Variants in DNAH1 observed in about 807,000 individuals in gnomAD.
DNAH1 encodes the protein axonemal beta dynein heavy chain 1.
DNAH1 carries 327 observed loss-of-function variants against 484.3 expected under a neutral mutation model. The observed-to-expected ratio is 0.68, with a 90% CI of 0.62 to 0.74. The LOEUF (loss-of-function observed/expected upper bound fraction) is 0.74. Ranked by LOEUF, DNAH1 falls within the 30% of genes least tolerant of loss-of-function variation. DNAH1 has a pLI of 0.00. For missense variants in DNAH1, 5,052 were observed against 5,546.8 expected (o/e 0.91, Z 2.83); for synonymous variants, 2,192 against 2,191.9 (o/e 1.00, Z 0.00).
chr3:52,396,083 G>A (rs1419537625), intron 70 of DNAH1, among the ~76,000 whole-genome samples: 3 of 151,828 alleles, frequency 2.0e-5, no homozygotes, highest in African/African-American at 2.4e-5. Flanking sequence ...GTAGTAACCC[G>A]CCACTATGCC....
Position 52,378,603 on chromosome 3 carries a change from TG to T in DNAH1, c.7204del (p.Ala2402ProfsTer39). The T allele has an allele frequency of 6.2e-7, 1 of 1,613,338 alleles. No homozygotes were observed. Reference protein sequence around the residue: ...GEKSYRERVPGAPHIAHFTEP... With the variant: ...GEKSYRERVPXAPHIAHFTEP... ...CAGGCCATTCTCCTATTCCCCCAGC[TG>T]GGGCCCCCCACATTGCCCACTTCAC... On this transcript the variant is annotated frameshift_variant and splice_region_variant, in exon 47 of 78. Transcript: ENST00000420323. LOFTEE classifies it high-confidence loss of function.
In DNAH1 at chr3:52,348,914, C is replaced by T. The variant is rs374015766; in HGVS notation, c.2133C>T (p.Ser711=). Residue 711 remains serine, a synonymous_variant, in exon 13 of 78, where the codon AGC becomes AGT. Coordinates refer to ENST00000420323, the MANE Select transcript of DNAH1 (RefSeq NM_015512.5). ...TGGTGATGGAGGACATCTTCATCAG[C>T]GGTGACCCCCTGCTGGAGTCCGTGG... ...EKLVMEDIFI[S]GDPLLESVGL... 94 of 1,613,006 alleles carry T rather than the reference C, an allele frequency of 5.8e-5. No homozygotes were observed. In the Middle Eastern group the frequency reaches 8.2e-4, roughly 14 times the overall value.
chr3:52,335,691 A>G (rs934748103), intron 8 of DNAH1, among the ~76,000 whole-genome samples: 7 of 151,380 alleles, frequency 4.6e-5, no homozygotes, highest in African/African-American at 4.9e-5. Flanking sequence ...CTGGAGTGCA[A>G]TGGCGCAATC....
At chr3:52,337,473 G>A (rs1701777884) in intron 8 of DNAH1, among the ~76,000 whole-genome samples, 1 of 152,106 alleles carries the variant, frequency 6.6e-6, no homozygotes, top group African/African-American at 2.4e-5. Flanking sequence ...CTTACTTTCA[G>A]CATATAGTTT....
In DNAH1 at chr3:52,370,199, C is replaced by T; in HGVS notation, c.6228C>T (p.Asp2076=). The part of the protein sequence containing the change: ...NLTMSLLKLL[D]CFFKPFLPRE... Reference sequence around the variant, plus strand: ...CCATGAGCCTCCTCAAGCTGCTGGACTGCTTCTTCAAGCCCTTTCTGCCTA... The same window carrying T: ...CCATGAGCCTCCTCAAGCTGCTGGATTGCTTCTTCAAGCCCTTTCTGCCTA... The change falls in exon 39 of 78, where the codon GAC becomes GAT. Residue 2076 remains aspartate (D), a synonymous_variant. Transcript: ENST00000420323. 6.2e-7 allele frequency: 1 copy of T among 1,613,998 alleles called. No individual in the cohort carries two copies. Among genetic ancestry groups the T allele is most frequent in the Non-Finnish European group, 8.5e-7 (1 of 1,179,872 alleles).
intron 1 of DNAH1, among the ~76,000 whole-genome samples, chr3:52,317,691 G>A (rs559732656): frequency 4.6e-5 from 7 of 152,346 alleles, no homozygotes; most frequent in Admixed American, 3.9e-4. Flanking sequence ...TAATCCTGCC[G>A]ATCGGGGCAT....
chr3:52,348,422 G>A (rs1167758030), intron 12 of DNAH1, among the ~76,000 whole-genome samples: 4 of 152,116 alleles, frequency 2.6e-5, no homozygotes, highest in African/African-American at 4.8e-5. Flanking sequence ...GACACAGGCC[G>A]GCTTCCACAT....
intron 22 of DNAH1, among the ~76,000 whole-genome samples, chr3:52,357,209 G>A (rs1009334599): frequency 6.6e-6 from 1 of 151,826 alleles, no homozygotes; most frequent in Non-Finnish European, 1.5e-5. Flanking sequence ...GCGCCACCAC[G>A]CGTGGCTGAT....
chr3:52,393,219 G>A, intron 65 of DNAH1, 115 bp from the exon 66 acceptor site: 2 of 1,535,334 alleles, frequency 1.3e-6, no homozygotes, highest in Non-Finnish European at 1.8e-6. Flanking sequence ...AAGTGCCCAA[G>A]AGGAGGCCCA....
In DNAH1 at chr3:52,350,578, A is replaced by G. The variant is rs61734644; in HGVS notation, c.2717A>G (p.Asp906Gly). The change falls in exon 16 of 78, where the codon GAC (aspartate) becomes GGC (glycine). Residue 906 changes from aspartate (D) to glycine (G), a missense_variant. This residue lies in a region of DNAH1 where 1,263 missense variants were observed against 1,218.8 expected (regional missense o/e 1.04). Transcript: ENST00000420323. ...DEFLYNLSSD[D>G]FNDKWIASNW... The stretch of plus-strand genomic sequence containing the variant: ...TTCCTCTACAACCTCAGCTCAGATG[A>G]CTTCAATGACAAGTGAGTGGGAGCT... 11,154 of 1,613,708 alleles carry G rather than the reference A, an allele frequency of 6.9e-3. 51 individuals are homozygous for G. The highest frequency in any genetic ancestry group is 8.6e-3 in the Non-Finnish European group (10,113 of 1,179,730).
In DNAH1 at chr3:52,395,649, C is replaced by T. The variant is rs419752; in HGVS notation, c.11230C>T (p.Arg3744Cys). 71,755 of 1,613,794 alleles carry T rather than the reference C, an allele frequency of 0.044. 1,775 individuals are homozygous for T. The highest frequency in any genetic ancestry group is 0.05 in the Non-Finnish European group (59,014 of 1,179,850). ...ACCAAGCTGGATGCCAGCCCTAGAA[C>T]GCCTCATCGAGCACATCAACCCCGA... ...LAPSWMPALE[R>C]LIEHINPDKV... The change falls in exon 70 of 78, where the codon CGC (arginine) becomes TGC (cysteine). Residue 3744 changes from arginine (R) to cysteine (C), a missense_variant. Physicochemically the swap from Arg to Cys is radical, Grantham distance 180. Coordinates refer to ENST00000420323, the MANE Select transcript of DNAH1 (RefSeq NM_015512.5). This position sits in a 1 kb window ranked among gnomAD's most constrained non-coding sequence, Gnocchi z 4.4.
intron 75 of DNAH1, among the ~76,000 whole-genome samples, 165 bp from the exon 76 acceptor site, chr3:52,398,685 T>C (rs1452630520): frequency 6.6e-6 from 1 of 152,244 alleles, no homozygotes; most frequent in Non-Finnish European, 1.5e-5. Context: ...ACACATGTGC[T>C]AAGGGCCAGA....
At chr3:52,326,359 C>T (rs762614713) in intron 4 of DNAH1, 45 bp downstream of exon 4, 1 of 1,569,734 alleles carries the variant, frequency 6.4e-7, no homozygotes, top group East Asian at 2.3e-5. Flanking sequence ...GAGGTGGCAT[C>T]CACCCGCCTC....
Position 52,396,556 on chromosome 3 carries a change from C to G in DNAH1, c.11430+18C>G, listed in dbSNP as rs1378074817. ...GCCACAAGGTGAGGCACACTTGGTG[C>G]AGGCCTACCCTACCTGCCCCCGTCC... On this transcript the variant is annotated intron_variant, in intron 71 of 77. Transcript: ENST00000420323. 6.2e-7 allele frequency: 1 copy of G among 1,611,844 alleles called. No homozygotes were observed.
intron 6 of DNAH1, 133 bp from the exon 7 acceptor site, chr3:52,331,015 G>A (rs183575707): frequency 1.7e-6 from 2 of 1,144,706 alleles, no homozygotes; most frequent in African/African-American, 1.6e-5. Context: ...TGGAGCAGAG[G>A]GGGGCATCCC....
chr3:52,368,336 G>A lies in DNAH1; in HGVS notation c.5766-405G>A, dbSNP rs945602886. 3.4e-4 allele frequency among the ~76,000 whole-genome samples: 51 copies of A among 152,116 alleles called. No individual in the cohort carries two copies. Among genetic ancestry groups the A allele is most frequent in the African/African-American group, 1.1e-3 (44 of 41,414 alleles). ...GCCCTACCAGCCCCTTCCCTGGTGCGTGCTGCCTCTGAGGTCTGAGTCCCC... is the reference window on the plus strand; with the variant it reads ...GCCCTACCAGCCCCTTCCCTGGTGCATGCTGCCTCTGAGGTCTGAGTCCCC... On this transcript the variant is annotated intron_variant, in intron 36 of 77. Transcript: ENST00000420323. The surrounding 1 kb of genome is among the most constrained non-coding windows in gnomAD (Gnocchi z 4.4).
upstream of DNAH1, among the ~76,000 whole-genome samples, chr3:52,311,797 A>G (rs1454350091): frequency 6.6e-6 from 1 of 152,172 alleles, no homozygotes; most frequent in East Asian, 1.9e-4. Context: ...GCCTGAGCCC[A>G]GGCATCAGGA....
rs1220412591 is a variant in DNAH1, at chr3:52,346,472, G to C, written c.1657G>C (p.Val553Leu). 4 of 1,607,634 alleles carry C rather than the reference G, an allele frequency of 2.5e-6. No individual in the cohort carries two copies. Among genetic ancestry groups the C allele is most frequent in the Non-Finnish European group, 3.4e-6 (4 of 1,176,728 alleles). Residue 553 changes from valine to leucine, a missense_variant and splice_region_variant, in exon 11 of 78, where the codon GTG becomes CTG. Coordinates refer to ENST00000420323, the MANE Select transcript of DNAH1 (RefSeq NM_015512.5). ...EQIQSQTFSQ[V>L]QMFLKDSWIS... The stretch of plus-strand genomic sequence containing the variant: ...ATGATGATGCCTGTGGCCACTCTAG[G>C]TGCAGATGTTCCTCAAGGACAGCTG...
At chr3:52,393,570 C>T in intron 66 of DNAH1, 85 bp downstream of exon 66, 1 of 1,571,866 alleles carries the variant, frequency 6.4e-7, no homozygotes, top group South Asian at 1.1e-5. Context: ...AAAGGGAAAG[C>T]CAGGCATGAA....
Sources: gnomAD v4.1 joint callset for allele counts (sites outside exome capture counted in the v4.1 genomes callset) on GRCh38, gnomAD v4.1.1 for gene constraint, gnomAD v4.1.1 regional missense constraint, Gnocchi (gnomAD v3.1) non-coding constraint, MANE v1.5 for transcripts, NCBI Gene and HGNC (gene_info 2026-07-23, HGNC 2026-07-21) for gene names.